The following LHFPL2 variants were observed in gnomAD, a reference collection of about 807,000 sequenced individuals.
LHFPL2 encodes LHFPL tetraspan subfamily member 2 protein.
A neutral mutation model predicts 17.5 loss-of-function variants in LHFPL2; 7 were observed. The ratio of observed to expected loss-of-function variants is 0.40; its 90% CI spans 0.23 to 0.75. The LOEUF (loss-of-function observed/expected upper bound fraction) is 0.75. LHFPL2 is among the 30% of genes least tolerant of loss of function. LHFPL2 has a pLI of 0.37. For synonymous variants in LHFPL2, 134 were observed against 116.2 expected (o/e 1.15, Z -0.99); for missense variants, 241 against 294.8 (o/e 0.82, Z 1.34).
chr5:78,549,781 A>C (rs1756388146), intron 3 of LHFPL2, among the ~76,000 whole-genome samples: 1 of 152,160 alleles, frequency 6.6e-6, no homozygotes, highest in Admixed American at 6.5e-5. Flanking sequence ...ATGTCCCATA[A>C]ATGTTGCATC....
chr5:78,589,580 G>T (rs749706968), intron 2 of LHFPL2, among the ~76,000 whole-genome samples: 1 of 152,152 alleles, frequency 6.6e-6, no homozygotes, highest in Non-Finnish European at 1.5e-5. Context: ...AGTTCAAATG[G>T]TGTCTACTCT....
Position 78,509,668 on chromosome 5 carries a change from G to A in LHFPL2, c.430+116C>T, listed in dbSNP as rs1755043493. On this transcript the variant is annotated intron_variant, in intron 4 of 4. Transcript: ENST00000380345. The stretch of plus-strand genomic sequence containing the variant: ...GGAAGGGGCAAAGGAAACCTGAATA[G>A]ACAGAAAGTGGTCTTCTCCAAAACT... 7 of 1,055,780 alleles carry A rather than the reference G, an allele frequency of 6.6e-6. No homozygotes were observed. The Admixed American group carries it at 1.1e-4, about 17-fold the overall frequency. The allele number at this position is 1,055,780 out of a possible 1,614,324, so 65.4% of individuals were successfully genotyped here.
chr5:78,509,115 T>G (rs183518212), intron 4 of LHFPL2, among the ~76,000 whole-genome samples: 2 of 152,338 alleles, frequency 1.3e-5, no homozygotes, highest in Non-Finnish European at 2.9e-5. Flanking sequence ...TTCCACCCAT[T>G]TCTAATAAGC....
rs139728731 is a variant in LHFPL2 at position 78,492,490 on chromosome 5, A to T, written c.431-3337T>A. Among the ~76,000 whole-genome samples, 472 of 152,262 alleles carry T rather than the reference A, an allele frequency of 3.1e-3. 2 individuals are homozygous for T. Among genetic ancestry groups the T allele is most frequent in the Admixed American group, 5.4e-3 (82 of 15,302 alleles). On this transcript the variant is annotated intron_variant, in intron 4 of 4. Transcript: ENST00000380345. ...GAAGCAGGCAGGTTTTACATCACTT[A>T]ATACAATCCTTATTTTTGATAGCAA... is the stretch of plus-strand genomic sequence containing the variant.
chr5:78,607,386 T>G lies in LHFPL2; in HGVS notation c.-245+24878A>C, dbSNP rs573563551. On this transcript the variant is annotated intron_variant, in intron 2 of 4. Transcript: ENST00000380345. ...CTTCGGCCTCCCAAAGTGCTGGGAT[T>G]ACAGGCATGAGCCACCACGCCCAGC... Among the ~76,000 whole-genome samples the G allele has an allele frequency of 5.3e-5, 8 of 152,350 alleles. No individual in the cohort carries two copies. The South Asian group carries it at 1.7e-3, about 32-fold the overall frequency.
intron 3 of LHFPL2, among the ~76,000 whole-genome samples, chr5:78,557,646 C>T (rs1404514647): frequency 6.6e-6 from 1 of 152,198 alleles, no homozygotes; most frequent in Non-Finnish European, 1.5e-5. Flanking sequence ...AAGTGTCCAC[C>T]TCCTAACACC....
chr5:78,588,966 T>C (rs966312848), intron 2 of LHFPL2, among the ~76,000 whole-genome samples: 6 of 152,186 alleles, frequency 3.9e-5, no homozygotes, highest in Non-Finnish European at 5.9e-5. Flanking sequence ...GGGACTAATA[T>C]ATATTGTTAC....
chr5:78,515,818 T>C (rs1010284052), intron 3 of LHFPL2, among the ~76,000 whole-genome samples: 4 of 152,054 alleles, frequency 2.6e-5, no homozygotes, highest in African/African-American at 7.2e-5. Context: ...TTCCTTGGTA[T>C]TGGGGAGGGG....
chr5:78,536,053 C>T (rs1291729448), intron 3 of LHFPL2, among the ~76,000 whole-genome samples: 2 of 152,112 alleles, frequency 1.3e-5, no homozygotes, highest in Non-Finnish European at 2.9e-5. Context: ...TCACAGCTTC[C>T]ATACCAAAGC....
At chr5:78,489,434 C>A (rs1165378178) in intron 4 of LHFPL2, among the ~76,000 whole-genome samples, 14 of 152,206 alleles carry the variant, frequency 9.2e-5, no homozygotes, top group African/African-American at 3.1e-4. Flanking sequence ...AAGACAGAGT[C>A]TCAATCTGTT....
intron 4 of LHFPL2, among the ~76,000 whole-genome samples, chr5:78,507,329 T>TAAAAAA (rs769112900): frequency 1.4e-5 from 2 of 139,572 alleles, no homozygotes; most frequent in African/African-American, 5.3e-5. Flanking sequence ...GAATCTGTCT[T>TAAAAAA]AAAAAAAAAA....
At chr5:78,623,435 G>A (rs947271764) in intron 2 of LHFPL2, among the ~76,000 whole-genome samples, 1 of 152,128 alleles carries the variant, frequency 6.6e-6, no homozygotes, top group African/African-American at 2.4e-5. Flanking sequence ...CTGCCACTAT[G>A]GTTATAGACC....
In LHFPL2 at chr5:78,488,896, A is replaced by T; in HGVS notation, c.*1T>A. 6.2e-7 allele frequency: 1 copy of T among 1,613,854 alleles called. No homozygotes were observed. The highest frequency in any genetic ancestry group is 8.5e-7 in the Non-Finnish European group (1 of 1,179,848). On this transcript the variant is annotated 3_prime_UTR_variant, in exon 5 of 5. Coordinates refer to ENST00000380345, the MANE Select transcript of LHFPL2 (RefSeq NM_005779.3). ...GAGAAAATGGCATTGTCTCTTCCAAACTAAAGGAGGCAGATCAGATTTTTC... is the reference window on the plus strand; with the variant it reads ...GAGAAAATGGCATTGTCTCTTCCAATCTAAAGGAGGCAGATCAGATTTTTC...
chr5:78,612,633 CA>C (rs1343017246), intron 2 of LHFPL2, among the ~76,000 whole-genome samples: 2 of 152,192 alleles, frequency 1.3e-5, no homozygotes, highest in Non-Finnish European at 2.9e-5. Context: ...AATAAGCAGT[CA>C]ACTACCTACC....
chr5:78,529,333 T>C (rs549296609), intron 3 of LHFPL2, among the ~76,000 whole-genome samples: 3 of 152,300 alleles, frequency 2.0e-5, no homozygotes, highest in East Asian at 1.9e-4. Flanking sequence ...ACACCTGGAA[T>C]CCTGTAGCAA....
chr5:78,581,401 A>C (rs552996310), intron 2 of LHFPL2, among the ~76,000 whole-genome samples: 162 of 151,600 alleles, frequency 1.1e-3, no homozygotes, highest in African/African-American at 3.2e-3. Context: ...CAGTTCTTAC[A>C]CATTCAGTAT....
intron 2 of LHFPL2, among the ~76,000 whole-genome samples, chr5:78,575,918 G>A (rs533761096): frequency 6.6e-6 from 1 of 152,324 alleles, no homozygotes; most frequent in East Asian, 1.9e-4. Flanking sequence ...TTTGGAGACA[G>A]GGTCTTGCTC....
At chr5:78,574,679 T>G (rs924575634) in intron 2 of LHFPL2, among the ~76,000 whole-genome samples, 1 of 152,220 alleles carries the variant, frequency 6.6e-6, no homozygotes, top group Non-Finnish European at 1.5e-5. Flanking sequence ...CCACCTACAA[T>G]TGATTGAAGT....
intron 4 of LHFPL2, among the ~76,000 whole-genome samples, chr5:78,493,663 C>T (rs1372506109): frequency 6.6e-6 from 1 of 152,066 alleles, no homozygotes; most frequent in Non-Finnish European, 1.5e-5. Context: ...ACTGAGATAC[C>T]AGTCAATAAG....
Sources: allele counts gnomAD v4.1 joint callset (sites outside exome capture counted in the v4.1 genomes callset), GRCh38; gene constraint gnomAD v4.1.1; transcripts MANE v1.5; gene names NCBI Gene and HGNC (gene_info 2026-07-23, HGNC 2026-07-21).